Variants in TAOK3 observed in about 807,000 individuals in gnomAD.
The protein encoded by TAOK3 is serine/threonine-protein kinase TAO3.
In TAOK3, 40 loss-of-function variants were observed where a neutral mutation model predicts 120.4. That is an observed-to-expected ratio of 0.33 (90% CI 0.26 to 0.43). The LOEUF (loss-of-function observed/expected upper bound fraction) is 0.43, where lower values mean the gene tolerates loss of function less well. Ranked by LOEUF, TAOK3 falls within the 20% of genes least tolerant of loss-of-function variation. The probability of loss-of-function intolerance (pLI) is 1.00; values close to 1 mark genes in which losing one functional copy is unlikely to be tolerated. For missense variants in TAOK3, 821 were observed against 1,112.1 expected, an observed-to-expected ratio of 0.74 and a Z score of 3.72; for synonymous variants, 355 against 387.5, an observed-to-expected ratio of 0.92 and a Z score of 0.99.
chr12:118,214,040 G>A lies in TAOK3; in HGVS notation c.714C>T (p.Ser238=), dbSNP rs1269429104. ...ACCATTCATTAGACTGTAACGTTGG[G>A]GAGTCATTCTGGGCAATGTGATATA... ...SALYHIAQND[S]PTLQSNEWTD... Residue 238 remains serine (S), a synonymous_variant, in exon 10 of 21, where the codon TCC becomes TCT. Coordinates refer to ENST00000392533, the MANE Select transcript of TAOK3 (RefSeq NM_016281.4). 6.2e-7 allele frequency: 1 copy of A among 1,611,342 alleles called. No homozygotes were observed. Among genetic ancestry groups the A allele is most frequent in the Admixed American group, 1.7e-5 (1 of 59,406 alleles).
intron 1 of TAOK3, among the ~76,000 whole-genome samples, chr12:118,318,540 C>T (rs2043570175): frequency 6.6e-6 from 1 of 152,142 alleles, no homozygotes; most frequent in South Asian, 2.1e-4. Context: ...GCTACCACCT[C>T]ACACCTGTAA....
intron 1 of TAOK3, among the ~76,000 whole-genome samples, chr12:118,324,734 C>CTTTTTTTTTTTTTTT (rs35462737): frequency 1.4e-5 from 1 of 69,584 alleles, no homozygotes; most frequent in African/African-American, 6.1e-5. Flanking sequence ...GAATTTCATT[C>CTTTTTTTTTTTTTTT]TTTTTTTTTT....
intron 17 of TAOK3, among the ~76,000 whole-genome samples, chr12:118,167,347 T>A (rs961997850): frequency 2.6e-5 from 4 of 152,146 alleles, no homozygotes; most frequent in Admixed American, 6.5e-5. Context: ...AATTTAGATG[T>A]ATGCATTCTT....
chr12:118,201,359 C>A lies in TAOK3; in HGVS notation c.924G>T (p.Met308Ile), dbSNP rs759178115. The change falls in exon 12 of 21, where the codon ATG becomes ATT. Residue 308 changes from methionine (M) to isoleucine (I), a missense_variant. Physicochemically the swap from Met to Ile is conservative, Grantham distance 10 (BLOSUM62 1). This residue lies in a region of TAOK3 where 467 missense variants were observed against 540.0 expected (regional missense o/e 0.86). Transcript: ENST00000392533. Reference protein sequence around the residue: ...RELDNLQYRKMKKILFQETRN... With the variant: ...RELDNLQYRKIKKILFQETRN... ...GTGTCTCTTGGAAAAGTATTTTTTT[C>A]ATTTTTCGGTACTGTAGGTTATCTA... is the stretch of plus-strand genomic sequence containing the variant. 6 of 1,613,826 alleles carry A rather than the reference C, an allele frequency of 3.7e-6. No homozygotes were observed. Among genetic ancestry groups the A allele is most frequent in the Non-Finnish European group, 5.1e-6 (6 of 1,179,882 alleles).
intron 1 of TAOK3, among the ~76,000 whole-genome samples, chr12:118,342,242 C>T (rs1053149027): frequency 6.6e-6 from 1 of 152,110 alleles, no homozygotes; most frequent in Non-Finnish European, 1.5e-5. Flanking sequence ...GAGAAAGCTA[C>T]CACGAGGAAG....
intron 1 of TAOK3, among the ~76,000 whole-genome samples, chr12:118,294,840 T>A (rs527566326): frequency 6.6e-6 from 1 of 152,296 alleles, no homozygotes; most frequent in South Asian, 2.1e-4. Context: ...TAACTGAGGA[T>A]GATTCCTCAA....
At chr12:118,331,546 G>A (rs1259154994) in intron 1 of TAOK3, among the ~76,000 whole-genome samples, 1 of 150,490 alleles carries the variant, frequency 6.6e-6, no homozygotes, top group Non-Finnish European at 1.5e-5. Context: ...TTGGGGGGCT[G>A]AGGCAGAAGA....
At chr12:118,177,062 C>T (rs550699745) in intron 16 of TAOK3, 139 bp downstream of exon 16, 10 of 914,570 alleles carry the variant, frequency 1.1e-5, no homozygotes, top group East Asian at 2.7e-5. Flanking sequence ...TCACTGTGCC[C>T]GGAAAGCATT....
intron 5 of TAOK3, among the ~76,000 whole-genome samples, chr12:118,239,912 A>G (rs1233561571): frequency 6.6e-6 from 1 of 152,124 alleles, no homozygotes; most frequent in Non-Finnish European, 1.5e-5. Context: ...CACGCCTGTA[A>G]TCCCAGCACT....
At chr12:118,259,779 T>C (rs2041145133) in intron 2 of TAOK3, among the ~76,000 whole-genome samples, 1 of 152,098 alleles carries the variant, frequency 6.6e-6, no homozygotes, top group Non-Finnish European at 1.5e-5. Context: ...ACAGTCCAGG[T>C]TGACCAAGGT....
intron 1 of TAOK3, among the ~76,000 whole-genome samples, chr12:118,328,478 C>T (rs536450185): frequency 9.9e-5 from 15 of 152,172 alleles, no homozygotes; most frequent in African/African-American, 2.9e-4. Context: ...ATTAAAGAAA[C>T]GTACATTTAA....
chr12:118,194,490 AC>A (rs1420760375), intron 13 of TAOK3, among the ~76,000 whole-genome samples: 1 of 152,096 alleles, frequency 6.6e-6, no homozygotes, highest in African/African-American at 2.4e-5. Context: ...ATTTACTTTT[AC>A]TTTGCCAAAT....
chr12:118,357,775 A>G (rs902574890), intron 1 of TAOK3, among the ~76,000 whole-genome samples: 2 of 152,220 alleles, frequency 1.3e-5, no homozygotes, highest in African/African-American at 4.8e-5. Context: ...AGGCCTCTCA[A>G]TGAAAGCTGA....
chr12:118,318,404 C>A (rs1262485486), intron 1 of TAOK3, among the ~76,000 whole-genome samples: 2 of 152,120 alleles, frequency 1.3e-5, no homozygotes, highest in East Asian at 3.9e-4. Context: ...GATCTGCCTG[C>A]CTCAGCCTCC....
chr12:118,367,412 G>GT lies in TAOK3; in HGVS notation c.-194+5235dup, dbSNP rs776529823. 9.6e-3 allele frequency among the ~76,000 whole-genome samples: 1,344 copies of GT among 140,382 alleles called. 6 individuals are homozygous for GT. The highest frequency in any genetic ancestry group is 0.023 in the African/African-American group (867 of 38,448). The allele number at this position is 140,382 out of a possible 152,430, so 92.1% of individuals were successfully genotyped here. On this transcript the variant is annotated intron_variant, in intron 1 of 20. Coordinates refer to ENST00000392533, the MANE Select transcript of TAOK3 (RefSeq NM_016281.4). ...TCAGTTATTACTAAAATTTGAAATAGTTTTTTTTTTTTTTTAATTTGGTGC... is the reference window on the plus strand; with the variant it reads ...TCAGTTATTACTAAAATTTGAAATAGTTTTTTTTTTTTTTTTAATTTGGTGC...
chr12:118,321,346 G>A lies in TAOK3; in HGVS notation c.-194+51302C>T, dbSNP rs941744632. Among the ~76,000 whole-genome samples the A allele has an allele frequency of 3.9e-5, 6 of 152,000 alleles. No individual in the cohort carries two copies. The South Asian group carries it at 8.3e-4, about 21-fold the overall frequency. On this transcript the variant is annotated intron_variant, in intron 1 of 20. Coordinates refer to ENST00000392533, the MANE Select transcript of TAOK3 (RefSeq NM_016281.4). ...CACAATCACGGCTCACTGCAACCTC[G>A]ACCTGCCAGGCTCAAGCTATCCTCC... is the stretch of plus-strand genomic sequence containing the variant.
At chr12:118,367,553 A>C (rs2045771369) in intron 1 of TAOK3, among the ~76,000 whole-genome samples, 1 of 152,134 alleles carries the variant, frequency 6.6e-6, no homozygotes, top group Admixed American at 6.5e-5. Context: ...AGCTGAGCCT[A>C]AGAAACAGTA....
At chr12:118,203,699 C>A (rs1459029275) in intron 11 of TAOK3, among the ~76,000 whole-genome samples, 1 of 96,344 alleles carries the variant, frequency 1.0e-5, no homozygotes, top group Admixed American at 1.2e-4. Context: ...AGTGAAACTC[C>A]ATCTCAAAAA....
intron 1 of TAOK3, among the ~76,000 whole-genome samples, chr12:118,314,966 C>T (rs776548444): frequency 5.3e-5 from 8 of 151,706 alleles, no homozygotes; most frequent in African/African-American, 9.7e-5. Context: ...TCTATGGCCC[C>T]GGCTGGAGTG....
Sources: allele counts gnomAD v4.1 joint callset (sites outside exome capture counted in the v4.1 genomes callset), GRCh38; gene constraint gnomAD v4.1.1; regional missense constraint gnomAD v4.1.1; transcripts MANE v1.5; gene names NCBI Gene and HGNC (gene_info 2026-07-23, HGNC 2026-07-21).